CGNL1: variants seen among roughly 807,000 people sequenced by gnomAD.
CGNL1 encodes the protein cingulin-like protein 1.
CGNL1 carries 132 observed loss-of-function variants against 141.2 expected under a neutral mutation model. The observed-to-expected ratio is 0.93, with a 90% CI of 0.81 to 1.08. CGNL1 has a LOEUF of 1.08. CGNL1 is among the 50% of genes least tolerant of loss of function. The pLI, the probability that CGNL1 is intolerant of heterozygous loss-of-function variation, is 0.00. For synonymous variants in CGNL1, 690 were observed against 622.1 expected (o/e 1.11, Z -1.63); for missense variants, 1,870 against 1,588.6 (o/e 1.18, Z -3.01).
At chr15:57,423,661 T>C (rs746879963) in intron 1 of CGNL1, among the ~76,000 whole-genome samples, 5 of 152,142 alleles carry the variant, frequency 3.3e-5, no homozygotes, top group African/African-American at 4.8e-5. Context: ...TCCTTCCTTC[T>C]TGCATCCCCA....
Position 57,452,219 on chromosome 15 carries a change from G to A in CGNL1, c.1984G>A (p.Val662Met), listed in dbSNP as rs2063330660. ...EELRSQHNEK[V>M]EENSTLQQRL... Reference sequence around the variant, plus strand: ...GCTCCGAAGCCAACACAACGAAAAGGTGGAGGAGAACTCCACATTGCAGCA... The same window carrying A: ...GCTCCGAAGCCAACACAACGAAAAGATGGAGGAGAACTCCACATTGCAGCA... The change falls in exon 6 of 19, where the codon GTG becomes ATG. Residue 662 changes from valine (V) to methionine (M), a missense_variant. Transcript: ENST00000281282. The A allele has an allele frequency of 1.2e-6, 2 of 1,613,924 alleles. No homozygotes were observed. The highest frequency in any genetic ancestry group is 8.5e-7 in the Non-Finnish European group (1 of 1,179,976).
intron 1 of CGNL1, among the ~76,000 whole-genome samples, chr15:57,396,115 G>A (rs535975273): frequency 4.2e-4 from 64 of 152,224 alleles, no homozygotes; most frequent in Admixed American, 7.9e-4. Context: ...TTTGCATGTA[G>A]CGATAATTTG....
intron 8 of CGNL1, among the ~76,000 whole-genome samples, chr15:57,474,038 G>A (rs1261159427): frequency 1.3e-5 from 2 of 150,702 alleles, no homozygotes; most frequent in Admixed American, 6.6e-5. Context: ...AGCCTCCTGC[G>A]TAGCTGGGAC....
intron 1 of CGNL1, among the ~76,000 whole-genome samples, chr15:57,426,809 A>G (rs1243161067): frequency 6.6e-6 from 1 of 151,948 alleles, no homozygotes; most frequent in African/African-American, 2.4e-5. Context: ...CTTCTCCCTC[A>G]CACATTTCCT....
intron 1 of CGNL1, among the ~76,000 whole-genome samples, chr15:57,405,733 C>A (rs1271901038): frequency 2.0e-3 from 3 of 1,476 alleles, no homozygotes; most frequent in Admixed American, 0.011. Context: ...AGGTGTGGAC[C>A]TTTTCTTTCT....
At chr15:57,457,230 C>T (rs117697929) in intron 7 of CGNL1, among the ~76,000 whole-genome samples, 2,505 of 152,276 alleles carry the variant, frequency 0.016, 66 homozygotes, top group Non-Finnish European at 0.018. Context: ...TGATGTGGCA[C>T]GCTCATGCAC....
intron 8 of CGNL1, among the ~76,000 whole-genome samples, chr15:57,511,183 T>G (rs576823943): frequency 1.3e-5 from 2 of 152,348 alleles, no homozygotes; most frequent in African/African-American, 4.8e-5. Flanking sequence ...AGCCCCAGTT[T>G]CCTGCCTCAT....
chr15:57,489,320 T>C (rs1326476822), intron 8 of CGNL1, among the ~76,000 whole-genome samples: 1 of 152,232 alleles, frequency 6.6e-6, no homozygotes, highest in Non-Finnish European at 1.5e-5. Context: ...GCATACCTAA[T>C]TCCAATAAAT....
intron 13 of CGNL1, among the ~76,000 whole-genome samples, chr15:57,529,559 A>AACACACACACACACACACAC (rs10593466): frequency 2.7e-4 from 37 of 138,008 alleles, no homozygotes; most frequent in African/African-American, 6.9e-4. Flanking sequence ...AACCCCCAGA[A>AACACACACACACACACACAC]ACACACACAC....
intron 1 of CGNL1, among the ~76,000 whole-genome samples, chr15:57,405,778 CTTTCTT>C (rs2062710311): frequency 1.7e-4 from 5 of 30,130 alleles, no homozygotes; most frequent in East Asian, 7.8e-4. Flanking sequence ...CTTTCTCTTT[CTTTCTT>C]TCTTTCTTTC....
rs186031890 is a variant in CGNL1 at position 57,380,183 on chromosome 15, G to A, written c.-16+3616G>A. On this transcript the variant is annotated intron_variant, in intron 1 of 18. Coordinates refer to ENST00000281282, the MANE Select transcript of CGNL1 (RefSeq NM_032866.5). Reference sequence around the variant, plus strand: ...TGAGTAGCTGGAATTACAGGCATGCGCCACCATACCCCGCTTATTTTTGTA... The same window carrying A: ...TGAGTAGCTGGAATTACAGGCATGCACCACCATACCCCGCTTATTTTTGTA... Among the ~76,000 whole-genome samples the A allele has an allele frequency of 3.0e-4, 46 of 152,250 alleles. No homozygotes were observed. In the East Asian group the frequency reaches 7.5e-3, roughly 25 times the overall value.
At chr15:57,498,206 T>A (rs2063969628) in intron 8 of CGNL1, among the ~76,000 whole-genome samples, 1 of 151,320 alleles carries the variant, frequency 6.6e-6, no homozygotes, top group African/African-American at 2.4e-5. Context: ...CTTTGTTTTT[T>A]CACATCAGTT....
At chr15:57,459,167 G>A (rs1272704010) in intron 7 of CGNL1, among the ~76,000 whole-genome samples, 1 of 152,198 alleles carries the variant, frequency 6.6e-6, no homozygotes, top group Non-Finnish European at 1.5e-5. Context: ...AAAACAGGTC[G>A]TGTTCTTATG....
chr15:57,409,545 A>G (rs1198206641), intron 1 of CGNL1, among the ~76,000 whole-genome samples: 1 of 152,162 alleles, frequency 6.6e-6, no homozygotes, highest in African/African-American at 2.4e-5. Context: ...AATTAGGGCC[A>G]TGGTGTCGGG....
intron 7 of CGNL1, among the ~76,000 whole-genome samples, chr15:57,454,524 G>T (rs2063356424): frequency 6.6e-6 from 1 of 152,010 alleles, no homozygotes; most frequent in Admixed American, 6.6e-5. Flanking sequence ...GAGATTTTAG[G>T]TCCTACTTTT....
intron 8 of CGNL1, among the ~76,000 whole-genome samples, chr15:57,464,577 A>AT (rs1389807853): frequency 6.6e-6 from 1 of 151,422 alleles, no homozygotes; most frequent in East Asian, 1.9e-4. Flanking sequence ...TTCCTGTTGA[A>AT]TTTTTTCAGT....
chr15:57,543,109 C>T (rs998828684), intron 14 of CGNL1, among the ~76,000 whole-genome samples: 11 of 152,188 alleles, frequency 7.2e-5, no homozygotes, highest in African/African-American at 2.4e-4. Context: ...CAGGGCCATG[C>T]TGCCTCTGAG....
At chr15:57,422,697 G>T (rs1456454433) in intron 1 of CGNL1, among the ~76,000 whole-genome samples, 4 of 152,162 alleles carry the variant, frequency 2.6e-5, no homozygotes, top group African/African-American at 4.8e-5. Context: ...ACTAAAAATT[G>T]CTCCCAGGTT....
chr15:57,534,756 G>A (rs1212474130), intron 14 of CGNL1, among the ~76,000 whole-genome samples: 1 of 152,246 alleles, frequency 6.6e-6, no homozygotes, highest in Non-Finnish European at 1.5e-5. Flanking sequence ...AAGGGTGCTT[G>A]TTATCTTGAA....
Sources: gnomAD v4.1 joint callset for allele counts (sites outside exome capture counted in the v4.1 genomes callset) on GRCh38, gnomAD v4.1.1 for gene constraint, MANE v1.5 for transcripts, NCBI Gene and HGNC (gene_info 2026-07-23, HGNC 2026-07-21) for gene names.